Variants in FBF1 observed in about 807,000 individuals in gnomAD.
The protein encoded by FBF1 is Fas binding factor 1.
FBF1 carries 119 observed loss-of-function variants against 147.2 expected under a neutral mutation model. The ratio of observed to expected loss-of-function variants is 0.81; its 90% CI spans 0.70 to 0.94. FBF1 has a LOEUF of 0.94. FBF1 is among the 40% of genes least tolerant of loss of function. The pLI, the probability that FBF1 is intolerant of heterozygous loss-of-function variation, is 0.00. For synonymous variants in FBF1, 601 were observed against 609.0 expected (o/e 0.99, Z 0.19); for missense variants, 1,449 against 1,500.8 (o/e 0.97, Z 0.57).
At chr17:75,935,058 T>C (rs1231251892) in intron 4 of FBF1, among the ~76,000 whole-genome samples, 1 of 151,920 alleles carries the variant, frequency 6.6e-6, no homozygotes, top group Non-Finnish European at 1.5e-5. Context: ...TGATGGAAAA[T>C]GTTCCGGAAT....
At chr17:75,932,499 C>G (rs941137204) in intron 5 of FBF1, among the ~76,000 whole-genome samples, 1 of 152,138 alleles carries the variant, frequency 6.6e-6, no homozygotes, top group African/African-American at 2.4e-5. Flanking sequence ...CACCTGTAAT[C>G]CCAGCACTTT....
At position 75,922,154 on chromosome 17, in the gene FBF1, C is replaced by T; in HGVS notation, c.1425-108G>A. On this transcript the variant is annotated intron_variant, in intron 14 of 29. Transcript: ENST00000636174. The surrounding 1 kb of genome is among the most constrained non-coding windows in gnomAD (Gnocchi z 5.0). ...CACGTGAAGCTCGTGGCCCCCCTTC[C>T]TCCTGCTTCCACCATCCCGTCTTGG... 12 of 869,410 alleles carry T rather than the reference C, an allele frequency of 1.4e-5. No homozygotes were observed. The highest frequency in any genetic ancestry group is 2.1e-5 in the Non-Finnish European group (12 of 558,570). 53.9% of individuals were successfully genotyped at this position (869,410 alleles called of 1,614,324 possible).
chr17:75,913,872 G>C, intron 27 of FBF1, 41 bp downstream of exon 27: 1 of 1,559,454 alleles, frequency 6.4e-7, no homozygotes, highest in Non-Finnish European at 8.6e-7. Flanking sequence ...GGAGGCTGGG[G>C]GTGCCGGGGG....
Position 75,914,775 on chromosome 17 carries a change from C to T in FBF1, c.2786G>A (p.Arg929Gln), listed in dbSNP as rs368877297. 7 of 1,588,068 alleles carry T rather than the reference C, an allele frequency of 4.4e-6. No individual in the cohort carries two copies. Among genetic ancestry groups the T allele is most frequent in the Non-Finnish European group, 6.0e-6 (7 of 1,168,530 alleles). ...AERALQVDTQ[R>Q]EGTLISLAKE... ...GGCCAGGCTGATGAGGGTGCCCTCC[C>T]GCTGGGTGTCCACCTGCAATGCCCG... The change falls in exon 25 of 30, where the codon CGG (arginine) becomes CAG (glutamine). Residue 929 changes from arginine to glutamine, a missense_variant. Arg to Gln is a conservative substitution (Grantham distance 43). Coordinates refer to ENST00000636174, the MANE Select transcript of FBF1 (RefSeq NM_001319193.2).
At position 75,918,108 on chromosome 17, in the gene FBF1, G is replaced by A. The variant is rs763698592; in HGVS notation, c.2247-38C>T. The A allele has an allele frequency of 1.6e-5, 26 of 1,607,010 alleles. No individual in the cohort carries two copies. The highest frequency in any genetic ancestry group is 1.2e-4 in the Admixed American group (7 of 59,590). ...TGGGTCACCCCCTCCTGACGGTCTC[G>A]GGGACCTTCCGGCCCCCAACGTCAG... On this transcript the variant is annotated intron_variant, in intron 21 of 29. Transcript: ENST00000636174. This position sits in a 1 kb window ranked among gnomAD's most constrained non-coding sequence, Gnocchi z 5.8.
chr17:75,938,227 T>C lies in FBF1; in HGVS notation c.-78A>G. On this transcript the variant is annotated 5_prime_UTR_variant, in exon 2 of 30. An upstream start codon of the reference 5' UTR is lost. Transcript: ENST00000636174. ...CTGGATTCTGCCCACATCAGGCTCA[T>C]ACTCCCTAATGAAGAAAATTAAAGT... is the stretch of plus-strand genomic sequence containing the variant. 2 of 1,594,914 alleles carry C rather than the reference T, an allele frequency of 1.3e-6. No homozygotes were observed. The highest frequency in any genetic ancestry group is 1.7e-5 in the Admixed American group (1 of 58,870).
intron 4 of FBF1, among the ~76,000 whole-genome samples, chr17:75,935,034 G>T (rs1012014095): frequency 1.8e-4 from 27 of 152,136 alleles, no homozygotes; most frequent in African/African-American, 6.5e-4. Flanking sequence ...TGGGCATGGG[G>T]TTTCTTTAAG....
Position 75,925,943 on chromosome 17 carries a change from A to G in FBF1, c.868+87T>C, listed in dbSNP as rs1193181921. On this transcript the variant is annotated intron_variant, in intron 12 of 29. Transcript: ENST00000636174. This position sits in a 1 kb window ranked among gnomAD's most constrained non-coding sequence, Gnocchi z 5.0. ...AATCACATGTGTGTATCAGGATGTGAGGCTGATTTCTCATTATAGGTTGTG... is the reference window on the plus strand; with the variant it reads ...AATCACATGTGTGTATCAGGATGTGGGGCTGATTTCTCATTATAGGTTGTG... 1.4e-6 allele frequency: 2 copies of G among 1,468,304 alleles called. No individual in the cohort carries two copies. Among genetic ancestry groups the G allele is most frequent in the Admixed American group, 2.5e-5 (1 of 39,254 alleles). The allele number at this position is 1,468,304 out of a possible 1,614,324, so 91.0% of individuals were successfully genotyped here. A position where few individuals can be genotyped will look rare whatever the true frequency, so the allele number is the denominator to read the frequency against.
intron 3 of FBF1, among the ~76,000 whole-genome samples, chr17:75,936,686 C>A (rs556218727): frequency 9.4e-5 from 14 of 149,484 alleles, no homozygotes; most frequent in African/African-American, 2.5e-4. Flanking sequence ...AAAAAAAAAA[C>A]AAAAAAACAC....
chr17:75,916,492 C>T (rs539240615), intron 23 of FBF1, among the ~76,000 whole-genome samples: 5 of 152,124 alleles, frequency 3.3e-5, no homozygotes, highest in African/African-American at 9.6e-5. Context: ...TGGTGGTTTG[C>T]GCCTGTAGTC....
chr17:75,936,683 A>T (rs1466920391), intron 3 of FBF1, among the ~76,000 whole-genome samples: 1 of 151,984 alleles, frequency 6.6e-6, no homozygotes, highest in East Asian at 1.9e-4. Context: ...TTAAAAAAAA[A>T]AACAAAAAAA....
chr17:75,925,474 A>C lies in FBF1; in HGVS notation c.869-28T>G. On this transcript the variant is annotated intron_variant, in intron 12 of 29. Transcript: ENST00000636174. The surrounding 1 kb of genome is among the most constrained non-coding windows in gnomAD (Gnocchi z 5.0). ...GTGAATTAAGGAGCCTGTGACCGTGATCTGGAGTAGGGGAACCAAGCTCAT... is the reference window on the plus strand; with the variant it reads ...GTGAATTAAGGAGCCTGTGACCGTGCTCTGGAGTAGGGGAACCAAGCTCAT... 3.8e-6 allele frequency: 6 copies of C among 1,589,354 alleles called. No homozygotes were observed. The highest frequency in any genetic ancestry group is 5.1e-6 in the Non-Finnish European group (6 of 1,165,278).
chr17:75,923,137 G>T lies in FBF1; in HGVS notation c.1424+49C>A. On this transcript the variant is annotated intron_variant, in intron 14 of 29. Transcript: ENST00000636174. The surrounding 1 kb of genome is among the most constrained non-coding windows in gnomAD (Gnocchi z 4.1). Reference sequence around the variant, plus strand: ...GTGAAGGGGCAAAGGGGCTCCTCAAGTCCCCAGCCAGTCCTCCCCCTACTA... The same window carrying T: ...GTGAAGGGGCAAAGGGGCTCCTCAATTCCCCAGCCAGTCCTCCCCCTACTA... 2.0e-6 allele frequency: 3 copies of T among 1,487,242 alleles called. No individual in the cohort carries two copies. The African/African-American group carries it at 4.2e-5, about 21-fold the overall frequency. The allele number at this position is 1,487,242 out of a possible 1,614,324, so 92.1% of individuals were successfully genotyped here. A position where few individuals can be genotyped will look rare whatever the true frequency, so the allele number is the denominator to read the frequency against.
chr17:75,918,118 C>T lies in FBF1; in HGVS notation c.2246+44G>A, dbSNP rs1000982501. On this transcript the variant is annotated intron_variant, in intron 21 of 29. Coordinates refer to ENST00000636174, the MANE Select transcript of FBF1 (RefSeq NM_001319193.2). This position sits in a 1 kb window ranked among gnomAD's most constrained non-coding sequence, Gnocchi z 5.8. ...CCTCCTGACGGTCTCGGGGACCTTC[C>T]GGCCCCCAACGTCAGGCGGGCATGG... 1.3e-5 allele frequency: 21 copies of T among 1,607,488 alleles called. No homozygotes were observed. The African/African-American group carries it at 1.3e-4, about 10-fold the overall frequency.
chr17:75,937,122 G>A (rs966778324), intron 3 of FBF1, among the ~76,000 whole-genome samples: 2 of 152,050 alleles, frequency 1.3e-5, no homozygotes, highest in Non-Finnish European at 2.9e-5. Context: ...ACATAAGGAA[G>A]ACCAAGGCTG....
At position 75,931,221 on chromosome 17, in the gene FBF1, A is replaced by T; in HGVS notation, c.228+8T>A. 1.3e-6 allele frequency: 2 copies of T among 1,570,118 alleles called. No homozygotes were observed. Among genetic ancestry groups the T allele is most frequent in the Non-Finnish European group, 1.7e-6 (2 of 1,157,662 alleles). Reference sequence around the variant, plus strand: ...AGTAGGGAGGTGGAGGGAAACAGCCAGGCTCACCTCAGCATCAGCTTCTTC... The same window carrying T: ...AGTAGGGAGGTGGAGGGAAACAGCCTGGCTCACCTCAGCATCAGCTTCTTC... On this transcript the variant is annotated splice_region_variant and intron_variant, in intron 6 of 29. Coordinates refer to ENST00000636174, the MANE Select transcript of FBF1 (RefSeq NM_001319193.2).
chr17:75,912,394 C>T, intron 28 of FBF1, 87 bp from the exon 29 acceptor site: 1 of 1,007,574 alleles, frequency 9.9e-7, no homozygotes, highest in South Asian at 1.7e-5. Context: ...GCTGCTCCCC[C>T]CGCCAGTGGG....
In FBF1 at chr17:75,919,768, C is replaced by G; in HGVS notation, c.2038G>C (p.Glu680Gln). The G allele has an allele frequency of 6.2e-7, 1 of 1,613,614 alleles. No homozygotes were observed. Among genetic ancestry groups the G allele is most frequent in the Non-Finnish European group, 8.5e-7 (1 of 1,179,878 alleles). The change falls in exon 20 of 30, where the codon GAA (glutamate) becomes CAA (glutamine). Residue 680 changes from glutamate to glutamine, a missense_variant. Physicochemically the swap from Glu to Gln is conservative, Grantham distance 29. Transcript: ENST00000636174. The surrounding 1 kb of genome is among the most constrained non-coding windows in gnomAD (Gnocchi z 5.0). ...GCCGTAAGCTCAGCACGGGCCTGTT[C>G]GGCCTCCTGGCACTGCGACAGATAC... ...ARYLSQCQEA[E>Q]QARAELTAQH...
intron 9 of FBF1, 46 bp from the exon 10 acceptor site, chr17:75,926,923 G>C: frequency 6.3e-7 from 1 of 1,578,816 alleles, no homozygotes; most frequent in South Asian, 1.2e-5. Flanking sequence ...GCACTTAGTT[G>C]AGGAAAAGCA....
Sources: allele counts gnomAD v4.1 joint callset (sites outside exome capture counted in the v4.1 genomes callset), GRCh38; gene constraint gnomAD v4.1.1; non-coding constraint Gnocchi (gnomAD v3.1); transcripts MANE v1.5; gene names NCBI Gene and HGNC (gene_info 2026-07-23, HGNC 2026-07-21).